The following ERBB4 variants were observed in gnomAD, a reference collection of about 807,000 sequenced individuals.
ERBB4 encodes erb-b2 receptor tyrosine kinase 4, also known as receptor tyrosine-protein kinase erbB-4.
Under a neutral mutation model 158.0 loss-of-function variants are expected in ERBB4, and 42 were observed. That is an observed-to-expected ratio of 0.27 (90% CI 0.21 to 0.34). The LOEUF (loss-of-function observed/expected upper bound fraction) is 0.34. Ranked by LOEUF, ERBB4 falls within the 10% of genes least tolerant of loss-of-function variation. The pLI is 1.00. For synonymous variants in ERBB4, 583 were observed against 558.7 expected, an observed-to-expected ratio of 1.04 and a Z score of -0.61; for missense variants, 1,333 against 1,624.1, an observed-to-expected ratio of 0.82 and a Z score of 3.08.
intron 1 of ERBB4, among the ~76,000 whole-genome samples, chr2:212,159,941 C>T (rs1315059491): frequency 6.6e-6 from 1 of 151,872 alleles, no homozygotes; most frequent in Non-Finnish European, 1.5e-5. Context: ...AAAGGAAAAA[C>T]ATTATTTTTA....
chr2:211,717,430 C>T (rs1309612281), intron 7 of ERBB4, among the ~76,000 whole-genome samples: 1 of 152,160 alleles, frequency 6.6e-6, no homozygotes, highest in Non-Finnish European at 1.5e-5. Context: ...ATATTAAACA[C>T]ACATATATAT....
At chr2:212,175,573 T>C (rs549850837) in intron 1 of ERBB4, among the ~76,000 whole-genome samples, 6 of 151,270 alleles carry the variant, frequency 4.0e-5, no homozygotes, top group Admixed American at 1.3e-4. Context: ...TAATACTACC[T>C]CAACTACCTG....
intron 3 of ERBB4, among the ~76,000 whole-genome samples, chr2:211,835,998 T>C (rs1413357921): frequency 2.6e-5 from 4 of 152,038 alleles, no homozygotes; most frequent in Non-Finnish European, 5.9e-5. Flanking sequence ...CTTAACAGTA[T>C]TGCCTATGTT....
chr2:211,972,747 A>G (rs932241401), intron 2 of ERBB4, among the ~76,000 whole-genome samples: 1 of 152,188 alleles, frequency 6.6e-6, no homozygotes, highest in Admixed American at 6.5e-5. Flanking sequence ...CACATACACA[A>G]ATTTATTCAA....
chr2:211,392,090 C>A (rs1300832256), intron 25 of ERBB4, among the ~76,000 whole-genome samples: 2 of 152,164 alleles, frequency 1.3e-5, no homozygotes, highest in African/African-American at 4.8e-5. Flanking sequence ...CAGACACTTC[C>A]ACATAGTAAC....
chr2:211,821,119 T>C (rs1012644798), intron 3 of ERBB4, among the ~76,000 whole-genome samples: 9 of 151,882 alleles, frequency 5.9e-5, no homozygotes, highest in African/African-American at 2.2e-4. Context: ...TCCCTGTTTG[T>C]AGATGACACA....
chr2:211,391,149 G>GTT (rs1253971089), intron 25 of ERBB4, among the ~76,000 whole-genome samples: 7 of 152,098 alleles, frequency 4.6e-5, no homozygotes, highest in Non-Finnish European at 1.0e-4. Context: ...GATTTTACTT[G>GTT]TTTTTGCTGT....
chr2:212,369,540 T>A (rs1353349046), intron 1 of ERBB4, among the ~76,000 whole-genome samples: 1 of 152,208 alleles, frequency 6.6e-6, no homozygotes, highest in East Asian at 1.9e-4. Flanking sequence ...TTCTTTCTTT[T>A]TTAATTTTAA....
At chr2:212,476,903 T>C (rs1439741043) in intron 1 of ERBB4, among the ~76,000 whole-genome samples, 6 of 152,230 alleles carry the variant, frequency 3.9e-5, no homozygotes, top group Admixed American at 2.0e-4. Flanking sequence ...GCAGTCTATA[T>C]AGAATTATGA....
chr2:212,287,640 T>TA (rs1220632247), intron 1 of ERBB4, among the ~76,000 whole-genome samples: 1 of 151,838 alleles, frequency 6.6e-6, no homozygotes, highest in Non-Finnish European at 1.5e-5. Flanking sequence ...CTCTTTGCAA[T>TA]AAAAACACAA....
Position 211,673,262 on chromosome 2 carries a change from G to A in ERBB4, c.1623-5C>T, listed in dbSNP as rs112007938. 1,884 of 1,606,758 alleles carry A rather than the reference G, an allele frequency of 1.2e-3. 20 individuals carry two copies. In the African/African-American group the frequency reaches 0.021, roughly 18 times the overall value. The stretch of plus-strand genomic sequence containing the variant: ...TTCTCAAACTCCCGAAATTCACTGT[G>A]AAAACATCAGCCACATGAGGAGGTG... On this transcript the variant is annotated splice_region_variant and splice_polypyrimidine_tract_variant and intron_variant, in intron 13 of 27. Coordinates refer to ENST00000342788, the MANE Select transcript of ERBB4 (RefSeq NM_005235.3).
At chr2:212,454,470 A>AATAC (rs1461498350) in intron 1 of ERBB4, among the ~76,000 whole-genome samples, 1 of 152,196 alleles carries the variant, frequency 6.6e-6, no homozygotes, top group Admixed American at 6.5e-5. Context: ...TTCAGAGGAG[A>AATAC]GTATTTATGC....
At chr2:212,296,013 T>C (rs958539594) in intron 1 of ERBB4, among the ~76,000 whole-genome samples, 1 of 152,038 alleles carries the variant, frequency 6.6e-6, no homozygotes, top group East Asian at 1.9e-4. Flanking sequence ...GTTATCTCAA[T>C]TAGATGATCC....
rs146652626 is a variant in ERBB4, at chr2:211,954,660, G to A, written c.235-7044C>T. ...AACAGAGAACTATGGTGGTAAGAGG[G>A]GGGGTAATAGAAAGTCCCTTCTGCT... On this transcript the variant is annotated intron_variant, in intron 2 of 27. Transcript: ENST00000342788. Among the ~76,000 whole-genome samples, 192 of 152,120 alleles carry A rather than the reference G, an allele frequency of 1.3e-3. 1 individual carries two copies. The highest frequency in any genetic ancestry group is 0.01 in the Middle Eastern group (3 of 294).
chr2:212,289,098 C>A (rs1434021624), intron 1 of ERBB4, among the ~76,000 whole-genome samples: 2 of 152,072 alleles, frequency 1.3e-5, no homozygotes, highest in African/African-American at 4.8e-5. Flanking sequence ...CCCCAAGTTT[C>A]CCTAAGGCCA....
intron 1 of ERBB4, among the ~76,000 whole-genome samples, chr2:212,363,186 G>C (rs2089757074): frequency 6.6e-6 from 1 of 151,222 alleles, no homozygotes; most frequent in South Asian, 2.1e-4. Flanking sequence ...TCCTATGGTT[G>C]TAATTGTGTG....
intron 3 of ERBB4, among the ~76,000 whole-genome samples, chr2:211,874,863 T>C (rs2078450644): frequency 1.3e-5 from 2 of 152,102 alleles, no homozygotes; most frequent in South Asian, 2.1e-4. Flanking sequence ...ATCACATTTT[T>C]CCTGCACAAA....
In ERBB4 at chr2:211,956,186, A is replaced by T. The variant is rs139432136; in HGVS notation, c.235-8570T>A. On this transcript the variant is annotated intron_variant, in intron 2 of 27. Coordinates refer to ENST00000342788, the MANE Select transcript of ERBB4 (RefSeq NM_005235.3). ...TACTGAGTTCAATTTTTTTCCTATCAGATAAACACATTAAGCTCCAATGAC... is the reference window on the plus strand; with the variant it reads ...TACTGAGTTCAATTTTTTTCCTATCTGATAAACACATTAAGCTCCAATGAC... Among the ~76,000 whole-genome samples, 314 of 152,180 alleles carry T rather than the reference A, an allele frequency of 2.1e-3. 2 individuals carry two copies. The highest frequency in any genetic ancestry group is 3.9e-3 in the Non-Finnish European group (266 of 67,986).
chr2:211,743,791 A>G (rs1432208574), intron 5 of ERBB4, among the ~76,000 whole-genome samples: 1 of 152,196 alleles, frequency 6.6e-6, no homozygotes, highest in Non-Finnish European at 1.5e-5. Context: ...CAATGCAGCC[A>G]CCATTTAACT....
Sources: gnomAD v4.1 joint callset for allele counts (sites outside exome capture counted in the v4.1 genomes callset) on GRCh38, gnomAD v4.1.1 for gene constraint, MANE v1.5 for transcripts, NCBI Gene and HGNC (gene_info 2026-07-23, HGNC 2026-07-21) for gene names.